Variants in PIWIL1 observed in about 807,000 individuals in gnomAD.
PIWIL1 encodes piwi like RNA-mediated gene silencing 1, also known as piwi-like protein 1.
PIWIL1 carries 73 observed loss-of-function variants against 114.4 expected under a neutral mutation model. That is an observed-to-expected ratio of 0.64 (90% CI 0.53 to 0.78). The LOEUF is 0.78. PIWIL1 is among the 30% of genes least tolerant of loss of function. The pLI is 0.00. For missense variants in PIWIL1, 723 were observed against 1,063.1 expected (o/e 0.68, Z 4.45); for synonymous variants, 375 against 369.0 (o/e 1.02, Z -0.19).
chr12:130,405,149 C>T, the PIWIL1 span, among the ~76,000 whole-genome samples: 1 of 151,992 alleles, frequency 6.6e-6, no homozygotes, highest in African/African-American at 2.4e-5. Flanking sequence ...AACATTTGAC[C>T]GCATGCAAAC....
intron 7 of PIWIL1, among the ~76,000 whole-genome samples, chr12:130,348,599 A>G (rs1218226189): frequency 2.0e-5 from 3 of 152,118 alleles, no homozygotes; most frequent in African/African-American, 7.2e-5. Context: ...CCTTGAATCT[A>G]AAGTTGAAAT....
At chr12:130,348,355 T>TA (rs1565943298) in intron 7 of PIWIL1, among the ~76,000 whole-genome samples, 172 bp downstream of exon 7, 1 of 152,222 alleles carries the variant, frequency 6.6e-6, no homozygotes, top group Non-Finnish European at 1.5e-5. Flanking sequence ...TTTGGATTTT[T>TA]AAAAAATCAC....
rs775252389 is a variant in PIWIL1 at position 130,348,060 on chromosome 12, G to A, written c.654-43G>A. On this transcript the variant is annotated intron_variant, in intron 6 of 20. Transcript: ENST00000245255. ...ACATGCTGTTCTGATTGTCGTATTAGAGATACTTATCAATATTCACTCTCT... is the reference window on the plus strand; with the variant it reads ...ACATGCTGTTCTGATTGTCGTATTAAAGATACTTATCAATATTCACTCTCT... 2.3e-6 allele frequency: 3 copies of A among 1,284,540 alleles called. No homozygotes were observed. The Admixed American group carries it at 5.3e-5, about 23-fold the overall frequency. 79.6% of individuals were successfully genotyped at this position (1,284,540 alleles called of 1,614,324 possible). A position where few individuals can be genotyped will look rare whatever the true frequency, so the allele number is the denominator to read the frequency against.
At chr12:130,390,842 C>T in the PIWIL1 span, among the ~76,000 whole-genome samples, 1 of 152,156 alleles carries the variant, frequency 6.6e-6, no homozygotes, top group East Asian at 1.9e-4. Flanking sequence ...CTGGGCTAGA[C>T]GGTGGGCTGG....
At chr12:130,409,499 C>T in the PIWIL1 span, among the ~76,000 whole-genome samples, 2 of 151,982 alleles carry the variant, frequency 1.3e-5, no homozygotes, top group East Asian at 1.9e-4. Context: ...CCCGCCACCA[C>T]GCCCGGCTAA....
chr12:130,373,412 T>A (rs2073843313), downstream of PIWIL1, among the ~76,000 whole-genome samples: 1 of 152,172 alleles, frequency 6.6e-6, no homozygotes, highest in South Asian at 2.1e-4. Context: ...GAAAAATTGG[T>A]AAATGTGATA....
chr12:130,396,654 G>A, the PIWIL1 span: 7 of 152,572 alleles, frequency 4.6e-5, no homozygotes, highest in East Asian at 3.8e-4. Flanking sequence ...GAAGATAATC[G>A]GCTTTCTGGA....
chr12:130,406,313 C>A, the PIWIL1 span: 5 of 1,008,736 alleles, frequency 5.0e-6, no homozygotes, highest in African/African-American at 1.6e-5. Flanking sequence ...AAAATAAGTT[C>A]TCTATGCTTT....
the PIWIL1 span, among the ~76,000 whole-genome samples, chr12:130,395,755 A>C: frequency 6.6e-6 from 1 of 152,172 alleles, no homozygotes; most frequent in African/African-American, 2.4e-5. Context: ...GAGAATTCTA[A>C]AATAAGGCTT....
At position 130,356,285 on chromosome 12, in the gene PIWIL1, A is replaced by AT. The variant is rs200936813; in HGVS notation, c.1405-618dup. On this transcript the variant is annotated intron_variant, in intron 12 of 20. Transcript: ENST00000245255. ...AGCACTGTAAAGTGCCAACATTTTC[A>AT]TTTTTTTTTTTTTTTAAGAAAATGT... 8.1e-3 allele frequency among the ~76,000 whole-genome samples: 1,150 copies of AT among 141,648 alleles called. 10 individuals are homozygous for AT. Among genetic ancestry groups the AT allele is most frequent in the African/African-American group, 0.018 (696 of 38,740 alleles). The allele number at this position is 141,648 out of a possible 152,430, so 92.9% of individuals were successfully genotyped here.
At chr12:130,392,725 C>T in the PIWIL1 span, among the ~76,000 whole-genome samples, 1 of 145,302 alleles carries the variant, frequency 6.9e-6, no homozygotes, top group Non-Finnish European at 1.5e-5. Context: ...ACCCGGTCAC[C>T]GTCATCACGT....
the PIWIL1 span, among the ~76,000 whole-genome samples, chr12:130,400,278 AC>A: frequency 3.3e-5 from 5 of 152,140 alleles, no homozygotes; most frequent in Non-Finnish European, 5.9e-5. Context: ...CTACTGGTCT[AC>A]TCAGCCTTAA....
the PIWIL1 span, among the ~76,000 whole-genome samples, chr12:130,415,180 G>A: frequency 6.6e-6 from 1 of 152,164 alleles, no homozygotes; most frequent in Non-Finnish European, 1.5e-5. Context: ...GAATCCAGCA[G>A]CACATCAAAA....
At chr12:130,375,223 G>C (rs2073857937), downstream of PIWIL1, among the ~76,000 whole-genome samples, 1 of 152,164 alleles carries the variant, frequency 6.6e-6, no homozygotes, top group Non-Finnish European at 1.5e-5. Flanking sequence ...GTGAAGTCCA[G>C]CTTTTTGCCT....
the PIWIL1 span, chr12:130,399,271 A>T: frequency 3.6e-6 from 2 of 556,806 alleles, no homozygotes; most frequent in Non-Finnish European, 5.3e-6. Flanking sequence ...ACATGAATGT[A>T]GTCTAATAGT....
chr12:130,343,783 G>T (rs770341308), intron 3 of PIWIL1, among the ~76,000 whole-genome samples: 1 of 151,914 alleles, frequency 6.6e-6, no homozygotes, highest in Non-Finnish European at 1.5e-5. Context: ...CCACCACTGC[G>T]CCCAGCTAAT....
rs74367743 is a variant in PIWIL1 at position 130,359,419 on chromosome 12, T to A, written c.1666-1761T>A. 4.6e-3 allele frequency among the ~76,000 whole-genome samples: 706 copies of A among 152,256 alleles called. 7 individuals are homozygous for A. The highest frequency in any genetic ancestry group is 0.037 in the Middle Eastern group (11 of 294). The stretch of plus-strand genomic sequence containing the variant: ...AAAGACCATGACCCCTGAAGAGCTT[T>A]CTTTGCACTCTACACCCCCATGCCC... On this transcript the variant is annotated intron_variant, in intron 14 of 20. Coordinates refer to ENST00000245255, the MANE Select transcript of PIWIL1 (RefSeq NM_004764.5).
chr12:130,365,841 G>T (rs989908739), intron 18 of PIWIL1, among the ~76,000 whole-genome samples: 2 of 152,192 alleles, frequency 1.3e-5, no homozygotes, highest in Non-Finnish European at 2.9e-5. Flanking sequence ...AGTGGCAGAG[G>T]CATTTGAAAC....
the PIWIL1 span, among the ~76,000 whole-genome samples, chr12:130,406,920 C>T: frequency 3.3e-5 from 5 of 152,174 alleles, no homozygotes; most frequent in Admixed American, 6.5e-5. Flanking sequence ...GGATTACAGG[C>T]GTAAGCCACC....
Sources: allele counts gnomAD v4.1 joint callset (sites outside exome capture counted in the v4.1 genomes callset), GRCh38; gene constraint gnomAD v4.1.1; transcripts MANE v1.5; gene names NCBI Gene and HGNC (gene_info 2026-07-23, HGNC 2026-07-21).